ARPP21: variants seen among roughly 807,000 people sequenced by gnomAD.
ARPP21 encodes cAMP regulated phosphoprotein 21.
In ARPP21, 69 loss-of-function variants were observed where a neutral mutation model predicts 113.2. That is an observed-to-expected ratio of 0.61 (90% CI 0.50 to 0.74). The LOEUF (loss-of-function observed/expected upper bound fraction) is 0.74. Ranked by LOEUF, ARPP21 falls within the 30% of genes least tolerant of loss-of-function variation. The pLI, the probability that ARPP21 is intolerant of heterozygous loss-of-function variation, is 0.00. For missense variants in ARPP21, 1,070 were observed against 1,037.4 expected (o/e 1.03, Z -0.43); for synonymous variants, 368 against 375.5 (o/e 0.98, Z 0.23).
intron 1 of ARPP21, chr3:35,650,632 A>G (rs571745093): frequency 6.6e-6 from 1 of 152,258 alleles, no homozygotes; most frequent in Non-Finnish European, 1.5e-5. Context: ...AGTGAGCACC[A>G]CTGAGAAGCT....
intron 19 of ARPP21, among the ~76,000 whole-genome samples, chr3:35,767,248 G>C (rs566708795): frequency 6.6e-6 from 1 of 152,086 alleles, no homozygotes; most frequent in South Asian, 2.1e-4. Flanking sequence ...TTTATTTCAC[G>C]ATGACCAAAC....
intron 14 of ARPP21, among the ~76,000 whole-genome samples, chr3:35,725,685 A>C (rs1420048664): frequency 6.6e-6 from 1 of 151,424 alleles, no homozygotes; most frequent in South Asian, 2.1e-4. Context: ...TTGACTTGTG[A>C]TCTCTTTTTC....
chr3:35,745,242 C>T (rs974875471), intron 19 of ARPP21, among the ~76,000 whole-genome samples: 3 of 152,126 alleles, frequency 2.0e-5, no homozygotes, highest in Non-Finnish European at 2.9e-5. Flanking sequence ...TTGTGGAAAA[C>T]GTTATTACCT....
intron 1 of ARPP21, chr3:35,642,576 A>G (rs1366893896): frequency 2.0e-5 from 3 of 152,136 alleles, no homozygotes; most frequent in African/African-American, 2.4e-5. Context: ...AGTTTTTAAA[A>G]CTTGAGGGAC....
chr3:35,667,871 G>GAAT (rs1235738757), intron 1 of ARPP21, among the ~76,000 whole-genome samples: 1 of 133,924 alleles, frequency 7.5e-6, no homozygotes, highest in Non-Finnish European at 1.5e-5. Flanking sequence ...AGAAGAAGAA[G>GAAT]AAGAAGAAGA....
Position 35,681,757 on chromosome 3 carries a change from T to C in ARPP21, c.6T>C (p.Ser2=). The change falls in exon 3 of 21, where the codon TCT becomes TCC. Residue 2 remains serine, a synonymous_variant. Coordinates refer to ENST00000684406, the MANE Select transcript of ARPP21 (RefSeq NM_001385562.1). ...TTTAATTTGCATCTGGGAGAATGTCTGAGCAAGGAGACCTGAATCAGGCAA... is the reference window on the plus strand; with the variant it reads ...TTTAATTTGCATCTGGGAGAATGTCCGAGCAAGGAGACCTGAATCAGGCAA... M[S]EQGDLNQAIA... is the part of the protein sequence containing the mutation. 6.2e-7 allele frequency: 1 copy of C among 1,610,432 alleles called. No homozygotes were observed. The highest frequency in any genetic ancestry group is 8.5e-7 in the Non-Finnish European group (1 of 1,177,776).
chr3:35,662,489 A>G (rs113991325), intron 1 of ARPP21, among the ~76,000 whole-genome samples: 2 of 152,194 alleles, frequency 1.3e-5, no homozygotes, highest in African/African-American at 4.8e-5. Context: ...CTTGGGACCA[A>G]CCCCACAGAG....
intron 19 of ARPP21, among the ~76,000 whole-genome samples, chr3:35,767,387 C>G (rs570361751): frequency 2.4e-4 from 37 of 152,246 alleles, no homozygotes; most frequent in African/African-American, 8.9e-4. Context: ...TTTCTGGACT[C>G]TCTTCACCAT....
At chr3:35,759,622 C>A (rs2095688647) in intron 19 of ARPP21, among the ~76,000 whole-genome samples, 1 of 150,406 alleles carries the variant, frequency 6.6e-6, no homozygotes, top group African/African-American at 2.5e-5. Context: ...TTAGTATCTG[C>A]CATTTTTTTC....
chr3:35,706,150 C>T (rs2088903224), intron 9 of ARPP21, among the ~76,000 whole-genome samples: 1 of 152,056 alleles, frequency 6.6e-6, no homozygotes, highest in East Asian at 1.9e-4. Context: ...CTGTCTAAAC[C>T]AGAAACAAAC....
chr3:35,747,209 C>T (rs1384454149), intron 19 of ARPP21, among the ~76,000 whole-genome samples: 1 of 151,842 alleles, frequency 6.6e-6, no homozygotes, highest in Non-Finnish European at 1.5e-5. Flanking sequence ...TAAAAATTAG[C>T]TGGGCATGGT....
At chr3:35,720,584 T>C (rs1168386507) in intron 13 of ARPP21, among the ~76,000 whole-genome samples, 2 of 152,218 alleles carry the variant, frequency 1.3e-5, no homozygotes, top group African/African-American at 4.8e-5. Flanking sequence ...TTATATTCCC[T>C]TTACTTATTT....
At chr3:35,728,483 G>T (rs1480204021) in intron 14 of ARPP21, among the ~76,000 whole-genome samples, 1 of 150,146 alleles carries the variant, frequency 6.7e-6, no homozygotes, top group Non-Finnish European at 1.5e-5. Context: ...CTCCCAAAGT[G>T]CTGGGATTAC....
intron 18 of ARPP21, 98 bp downstream of exon 18, chr3:35,739,675 T>A: frequency 7.0e-7 from 1 of 1,427,102 alleles, no homozygotes; most frequent in Middle Eastern, 2.5e-4. Context: ...CACTCCCTCT[T>A]CCCTTTCTAG....
chr3:35,728,992 G>C (rs545006510), intron 14 of ARPP21, among the ~76,000 whole-genome samples: 1 of 152,228 alleles, frequency 6.6e-6, no homozygotes, highest in African/African-American at 2.4e-5. Flanking sequence ...GATTTTTCAG[G>C]TACTGAGTTC....
chr3:35,756,148 C>T (rs913708594), intron 19 of ARPP21, among the ~76,000 whole-genome samples: 5 of 152,038 alleles, frequency 3.3e-5, no homozygotes, highest in African/African-American at 1.2e-4. Flanking sequence ...CCCCCTCCAG[C>T]TCTGAAATAC....
Position 35,738,281 on chromosome 3 carries a change from A to G in ARPP21, c.1712A>G (p.His571Arg). 6.5e-7 allele frequency: 1 copy of G among 1,535,458 alleles called. No homozygotes were observed. Among genetic ancestry groups the G allele is most frequent in the Non-Finnish European group, 8.7e-7 (1 of 1,146,512 alleles). Residue 571 changes from histidine to arginine, a missense_variant, in exon 17 of 21, where the codon CAC (histidine) becomes CGC (arginine). Coordinates refer to ENST00000684406, the MANE Select transcript of ARPP21 (RefSeq NM_001385562.1). ...QYPAVSFPPQ[H>R]LLPVSPTQHF... is the part of the protein sequence containing the mutation. The stretch of plus-strand genomic sequence containing the variant: ...CCAGCAGTCTCTTTTCCTCCCCAGC[A>G]CCTCCTACCTGTGTCTCCAACGCAG...
intron 9 of ARPP21, 86 bp downstream of exon 9, chr3:35,691,091 A>G (rs2082106425): frequency 1.4e-6 from 2 of 1,387,562 alleles, no homozygotes; most frequent in South Asian, 3.0e-5. Context: ...TTCACAGTAC[A>G]TGACATTTAA....
At chr3:35,788,234 A>G (rs2096671701) in intron 19 of ARPP21, among the ~76,000 whole-genome samples, 1 of 152,180 alleles carries the variant, frequency 6.6e-6, no homozygotes, top group African/African-American at 2.4e-5. Flanking sequence ...TTCACCAGCT[A>G]TACTATTAAG....
Sources: allele counts gnomAD v4.1 joint callset (sites outside exome capture counted in the v4.1 genomes callset), GRCh38; gene constraint gnomAD v4.1.1; transcripts MANE v1.5; gene names NCBI Gene and HGNC (gene_info 2026-07-23, HGNC 2026-07-21).